TAF1B: variants seen among roughly 807,000 people sequenced by gnomAD.
TAF1B encodes the protein TATA-box binding protein associated factor, RNA polymerase I subunit B, also known as TATA box-binding protein-associated factor RNA polymerase I subunit B.
TAF1B carries 61 observed loss-of-function variants against 83.9 expected under a neutral mutation model. The ratio of observed to expected loss-of-function variants is 0.73; its 90% CI spans 0.59 to 0.90. The LOEUF (loss-of-function observed/expected upper bound fraction) is 0.90. TAF1B is among the 40% of genes least tolerant of loss of function. The probability of loss-of-function intolerance (pLI) is 0.00; values close to 1 mark genes in which losing one functional copy is unlikely to be tolerated. For synonymous variants in TAF1B, 221 were observed against 224.6 expected (o/e 0.98, Z 0.14); for missense variants, 625 against 677.0 (o/e 0.92, Z 0.85).
intron 2 of TAF1B, among the ~76,000 whole-genome samples, chr2:9,848,738 T>TA (rs954459466): frequency 7.4e-4 from 112 of 151,296 alleles, no homozygotes; most frequent in Admixed American, 1.6e-3. Context: ...TGGCCCCATT[T>TA]AAAAAAAAAG....
intron 14 of TAF1B, among the ~76,000 whole-genome samples, chr2:9,921,554 A>G (rs771235796): frequency 1.2e-4 from 18 of 152,254 alleles, no homozygotes; most frequent in Admixed American, 6.5e-4. Context: ...AGTCCTAGAT[A>G]GATACAAAGG....
chr2:9,903,190 A>G (rs1665235565), intron 8 of TAF1B, among the ~76,000 whole-genome samples: 1 of 152,120 alleles, frequency 6.6e-6, no homozygotes, highest in Admixed American at 6.5e-5. Context: ...GGTTCACGCC[A>G]TTCTCCTGCC....
At chr2:9,890,529 CTGATCTTTACTTA>C (rs774809080) in intron 8 of TAF1B, among the ~76,000 whole-genome samples, 1 of 152,080 alleles carries the variant, frequency 6.6e-6, no homozygotes, top group African/African-American at 2.4e-5. Context: ...TGTCACTAAT[CTGATCTTTACTTA>C]AATCTTTTCC....
chr2:9,864,890 C>G (rs899394173), intron 5 of TAF1B, among the ~76,000 whole-genome samples: 3 of 152,162 alleles, frequency 2.0e-5, no homozygotes, highest in African/African-American at 7.2e-5. Flanking sequence ...AATTCAACAA[C>G]GCTTCATGTT....
rs772419491 is a variant in TAF1B, at chr2:9,933,864, G to A, written c.1647G>A (p.Leu549=). The change falls in exon 15 of 15, where the codon CTG becomes CTA. Residue 549 remains leucine (L), a synonymous_variant. Transcript: ENST00000263663. ...YQFILNLFSF[L]LRIKTSLLHE... is the part of the protein sequence containing the mutation. Reference sequence around the variant, plus strand: ...TTATACTAAATCTCTTCTCCTTCCTGCTCAGAATAAAGACTTCCCTTCTCC... The same window carrying A: ...TTATACTAAATCTCTTCTCCTTCCTACTCAGAATAAAGACTTCCCTTCTCC... 1.9e-6 allele frequency: 3 copies of A among 1,613,726 alleles called. No homozygotes were observed. In the South Asian group the frequency reaches 3.3e-5, roughly 18 times the overall value.
chr2:9,932,088 A>G (rs1190407223), intron 14 of TAF1B, among the ~76,000 whole-genome samples: 1 of 152,128 alleles, frequency 6.6e-6, no homozygotes, highest in African/African-American at 2.4e-5. Flanking sequence ...CAAGGTTTTT[A>G]GCTTCCTTGC....
intron 3 of TAF1B, among the ~76,000 whole-genome samples, chr2:9,850,478 C>T (rs1325492042): frequency 2.0e-5 from 3 of 152,104 alleles, no homozygotes; most frequent in East Asian, 1.9e-4. Flanking sequence ...TAAACTTCCT[C>T]GACTTATGGA....
chr2:9,890,458 T>C (rs904823302), intron 8 of TAF1B, among the ~76,000 whole-genome samples: 5 of 152,176 alleles, frequency 3.3e-5, no homozygotes, highest in Non-Finnish European at 7.3e-5. Context: ...TGAAAGCATG[T>C]TGTTGCTCAC....
At chr2:9,932,620 CG>C (rs1666249808) in intron 14 of TAF1B, among the ~76,000 whole-genome samples, 1 of 152,146 alleles carries the variant, frequency 6.6e-6, no homozygotes, top group Non-Finnish European at 1.5e-5. Context: ...TTAGGCTGCA[CG>C]GGGGTCAGGG....
At chr2:9,911,361 TCTC>T in intron 10 of TAF1B, 147 bp from the exon 11 acceptor site, 2 of 568,302 alleles carry the variant, frequency 3.5e-6, no homozygotes, top group Non-Finnish European at 6.1e-6. Flanking sequence ...ATTTATAGTG[TCTC>T]CTCCTCTGTT....
intron 8 of TAF1B, among the ~76,000 whole-genome samples, chr2:9,884,967 A>G (rs1290813439): frequency 2.6e-5 from 4 of 152,216 alleles, no homozygotes; most frequent in African/African-American, 9.6e-5. Flanking sequence ...ATGTTATGGT[A>G]TGTTCCATGC....
At chr2:9,922,995 G>C (rs1480519134) in intron 14 of TAF1B, among the ~76,000 whole-genome samples, 2 of 152,176 alleles carry the variant, frequency 1.3e-5, no homozygotes, top group Non-Finnish European at 2.9e-5. Context: ...TGTAATCCTA[G>C]CACTTAGGGA....
chr2:9,849,906 A>AT (rs931011935), intron 3 of TAF1B, among the ~76,000 whole-genome samples: 18 of 152,138 alleles, frequency 1.2e-4, no homozygotes, highest in Non-Finnish European at 2.4e-4. Flanking sequence ...GATGGTTTTT[A>AT]TTTTTGTGAC....
At chr2:9,862,916 G>C (rs1171070864) in intron 5 of TAF1B, among the ~76,000 whole-genome samples, 1 of 152,078 alleles carries the variant, frequency 6.6e-6, no homozygotes, top group Non-Finnish European at 1.5e-5. Context: ...TCACCACCAG[G>C]CCTGCCCTAA....
At chr2:9,895,500 CAAAAGA>C (rs1348194021) in intron 8 of TAF1B, among the ~76,000 whole-genome samples, 2 of 91,652 alleles carry the variant, frequency 2.2e-5, no homozygotes, top group Non-Finnish European at 4.9e-5. Context: ...GACCCTGTCT[CAAAAGA>C]AAAAAAAAAA....
At chr2:9,856,646 G>A (rs922852313) in intron 5 of TAF1B, among the ~76,000 whole-genome samples, 2 of 152,096 alleles carry the variant, frequency 1.3e-5, no homozygotes, top group Non-Finnish European at 2.9e-5. Flanking sequence ...TAGAAAATAT[G>A]CATCAGAACC....
intron 1 of TAF1B, 139 bp downstream of exon 1, chr2:9,843,698 C>CG: frequency 1.0e-6 from 1 of 1,003,908 alleles, no homozygotes; most frequent in Non-Finnish European, 1.4e-6. Flanking sequence ...GGCTGCAGGG[C>CG]GGGCTAAGGA....
At chr2:9,913,737 C>G (rs1665603048) in intron 12 of TAF1B, 1 of 152,730 alleles carries the variant, frequency 6.5e-6, no homozygotes, top group African/African-American at 2.4e-5. Flanking sequence ...TTGATTCAGC[C>G]AGTGTCACTG....
intron 2 of TAF1B, among the ~76,000 whole-genome samples, chr2:9,848,433 G>A (rs1344016484): frequency 1.3e-5 from 2 of 152,230 alleles, no homozygotes; most frequent in African/African-American, 2.4e-5. Flanking sequence ...TTGGGAGACC[G>A]AGGTGGGCAG....
Sources: gnomAD v4.1 joint callset for allele counts (sites outside exome capture counted in the v4.1 genomes callset) on GRCh38, gnomAD v4.1.1 for gene constraint, MANE v1.5 for transcripts, NCBI Gene and HGNC (gene_info 2026-07-23, HGNC 2026-07-21) for gene names.